The following ABTB3 variants were observed in gnomAD, a reference collection of about 807,000 sequenced individuals.
The protein encoded by ABTB3 is ankyrin repeat and BTB domain containing 3.
At chr12:107,568,410 T>C in the ABTB3 span, among the ~76,000 whole-genome samples, 2 of 152,162 alleles carry the variant, frequency 1.3e-5, no homozygotes, top group African/African-American at 4.8e-5. Context: ...ATATCTACCA[T>C]AGCCCCCTTC....
chr12:107,420,351 C>T, the ABTB3 span, among the ~76,000 whole-genome samples: 1 of 152,140 alleles, frequency 6.6e-6, no homozygotes, highest in Non-Finnish European at 1.5e-5. Flanking sequence ...GTTTAATGGA[C>T]TAACGGTTTC....
At chr12:107,360,930 A>ATTTTTTTTTT in the ABTB3 span, among the ~76,000 whole-genome samples, 928 of 84,400 alleles carry the variant, frequency 0.011, 15 homozygotes, top group East Asian at 0.019. Context: ...ATTTAATTTA[A>ATTTTTTTTTT]TTTTTTTTTT....
the ABTB3 span, among the ~76,000 whole-genome samples, chr12:107,405,103 G>A: frequency 6.6e-6 from 1 of 152,148 alleles, no homozygotes; most frequent in Admixed American, 6.5e-5. Context: ...AAGTAGACAA[G>A]GCACTGGTTT....
the ABTB3 span, among the ~76,000 whole-genome samples, chr12:107,513,958 A>G: frequency 2.0e-5 from 3 of 152,256 alleles, no homozygotes; most frequent in Non-Finnish European, 2.9e-5. Flanking sequence ...CTGCAAGACC[A>G]TTTGAATCCA....
At chr12:107,639,653 C>A in the ABTB3 span, among the ~76,000 whole-genome samples, 1 of 152,126 alleles carries the variant, frequency 6.6e-6, no homozygotes, top group East Asian at 1.9e-4. Flanking sequence ...ACAGGCAAAT[C>A]GGAGGATCCT....
chr12:107,397,914 CAT>C, the ABTB3 span, among the ~76,000 whole-genome samples: 2 of 152,186 alleles, frequency 1.3e-5, no homozygotes, highest in African/African-American at 4.8e-5. Context: ...GCTGCGTTGA[CAT>C]ATGGTATTTA....
chr12:107,323,452 T>A, the ABTB3 span, among the ~76,000 whole-genome samples: 1 of 152,208 alleles, frequency 6.6e-6, no homozygotes, highest in Non-Finnish European at 1.5e-5. Flanking sequence ...GAAAATCACA[T>A]CCATGGGTTT....
the ABTB3 span, among the ~76,000 whole-genome samples, chr12:107,530,937 G>T: frequency 1.4e-4 from 22 of 152,302 alleles, 2 homozygotes; most frequent in African/African-American, 5.3e-4. Flanking sequence ...CTTCAAGATG[G>T]ACTGAGAGCT....
chr12:107,319,385 C>T, the ABTB3 span: 1 of 1,586,110 alleles, frequency 6.3e-7, no homozygotes, highest in Non-Finnish European at 8.6e-7. Flanking sequence ...AGAGGCGCAG[C>T]GCCTGAGCCT....
At chr12:107,556,541 G>A in the ABTB3 span, among the ~76,000 whole-genome samples, 1 of 152,212 alleles carries the variant, frequency 6.6e-6, no homozygotes, top group African/African-American at 2.4e-5. Flanking sequence ...TCCCATGCTG[G>A]GATGAGATGA....
chr12:107,552,035 A>G, the ABTB3 span, among the ~76,000 whole-genome samples: 12 of 152,248 alleles, frequency 7.9e-5, no homozygotes, highest in Admixed American at 7.8e-4. Context: ...TACAGGCGTG[A>G]GCCACCGTGC....
At chr12:107,587,541 T>C in the ABTB3 span, among the ~76,000 whole-genome samples, 1 of 152,200 alleles carries the variant, frequency 6.6e-6, no homozygotes, top group East Asian at 1.9e-4. Flanking sequence ...GAGTGTTTAA[T>C]GGGTTCAGAG....
the ABTB3 span, among the ~76,000 whole-genome samples, chr12:107,484,597 C>CTT: frequency 0.027 from 3,760 of 139,964 alleles, 142 homozygotes; most frequent in African/African-American, 0.079. Context: ...TCTGATCTGA[C>CTT]TTTTTTTTTT....
chr12:107,559,918 TAAGG>T, the ABTB3 span, among the ~76,000 whole-genome samples: 1 of 152,102 alleles, frequency 6.6e-6, no homozygotes, highest in African/African-American at 2.4e-5. Flanking sequence ...CAGGAAAATA[TAAGG>T]AAGAAAATTA....
chr12:107,394,638 C>T, the ABTB3 span, among the ~76,000 whole-genome samples: 2 of 152,216 alleles, frequency 1.3e-5, no homozygotes, highest in Non-Finnish European at 2.9e-5. Flanking sequence ...AGCTGTGTTA[C>T]TTAACCTCTT....
At chr12:107,580,024 C>T in the ABTB3 span, among the ~76,000 whole-genome samples, 1 of 152,142 alleles carries the variant, frequency 6.6e-6, no homozygotes, top group Non-Finnish European at 1.5e-5. Flanking sequence ...AGCAGAGGTT[C>T]TTTGAGAATG....
the ABTB3 span, among the ~76,000 whole-genome samples, chr12:107,383,469 C>T: frequency 1.3e-5 from 2 of 152,152 alleles, no homozygotes; most frequent in African/African-American, 2.4e-5. Flanking sequence ...CTCTAGATTC[C>T]GGTTTTCTCT....
the ABTB3 span, among the ~76,000 whole-genome samples, chr12:107,471,848 A>G: frequency 6.6e-6 from 1 of 152,148 alleles, no homozygotes; most frequent in East Asian, 1.9e-4. Flanking sequence ...GAAGCTTTCT[A>G]CATGACTGCA....
At chr12:107,604,441 A>T in the ABTB3 span, among the ~76,000 whole-genome samples, 2 of 152,212 alleles carry the variant, frequency 1.3e-5, no homozygotes, top group African/African-American at 4.8e-5. Flanking sequence ...AGAGAAAAAA[A>T]AATAATGAGC....
Sources: allele counts gnomAD v4.1 joint callset (sites outside exome capture counted in the v4.1 genomes callset), GRCh38; gene constraint gnomAD v4.1.1; transcripts MANE v1.5; gene names NCBI Gene and HGNC (gene_info 2026-07-23, HGNC 2026-07-21).